Variants in PPARGC1A observed in about 807,000 individuals in gnomAD.
PPARGC1A encodes peroxisome proliferator-activated receptor gamma coactivator 1-alpha.
A neutral mutation model predicts 88.7 loss-of-function variants in PPARGC1A; 25 were observed. That is an observed-to-expected ratio of 0.28 (90% confidence interval 0.21 to 0.39). PPARGC1A has a LOEUF of 0.39. Among genes scored for constraint, PPARGC1A ranks in the 10% least tolerant of loss-of-function variants. The probability of loss-of-function intolerance (pLI) is 1.00; values close to 1 mark genes in which losing one functional copy is unlikely to be tolerated. For synonymous variants in PPARGC1A, 363 were observed against 355.6 expected (o/e 1.02, Z -0.24); for missense variants, 880 against 968.7 (o/e 0.91, Z 1.22).
chr4:24,145,734 G>C, the PPARGC1A span, among the ~76,000 whole-genome samples: 1 of 152,178 alleles, frequency 6.6e-6, no homozygotes, highest in South Asian at 2.1e-4. Flanking sequence ...GAGACAGCAG[G>C]ATAATTCCAG....
the PPARGC1A span, among the ~76,000 whole-genome samples, chr4:24,028,580 AC>A: frequency 1.3e-5 from 2 of 152,198 alleles, no homozygotes; most frequent in African/African-American, 2.4e-5. Context: ...AAGGAAGAAT[AC>A]AAAGAGGTTA....
chr4:24,077,672 T>TGTGTGTGTGTGTG, the PPARGC1A span, among the ~76,000 whole-genome samples: 2 of 145,686 alleles, frequency 1.4e-5, no homozygotes, highest in African/African-American at 5.1e-5. Flanking sequence ...TGTGTGTGTG[T>TGTGTGTGTGTGTG]TTCATTCATT....
intron 7 of PPARGC1A, among the ~76,000 whole-genome samples, chr4:23,821,088 C>T (rs921649750): frequency 2.0e-5 from 3 of 152,086 alleles, no homozygotes; most frequent in Admixed American, 2.0e-4. Context: ...TTTCTCAACA[C>T]GATGCTCCTG....
the PPARGC1A span, among the ~76,000 whole-genome samples, chr4:23,990,300 ATATCAATAATAGTAAATTT>A: frequency 3.3e-5 from 5 of 151,322 alleles, no homozygotes; most frequent in Non-Finnish European, 7.4e-5. Context: ...CAGAATAACA[ATATCAATAATAGTAAATTT>A]TGTCATGCAA....
the PPARGC1A span, among the ~76,000 whole-genome samples, chr4:24,165,922 A>G: frequency 6.6e-6 from 1 of 152,214 alleles, no homozygotes; most frequent in Non-Finnish European, 1.5e-5. Flanking sequence ...CTCTCACTTT[A>G]AATAAAAAAC....
At chr4:23,918,103 C>T in the PPARGC1A span, among the ~76,000 whole-genome samples, 2 of 152,200 alleles carry the variant, frequency 1.3e-5, no homozygotes, top group Non-Finnish European at 2.9e-5. Flanking sequence ...CTACAATTAG[C>T]CCCTCTGTGA....
the PPARGC1A span, among the ~76,000 whole-genome samples, chr4:24,404,120 G>T: frequency 6.6e-6 from 1 of 151,718 alleles, no homozygotes; most frequent in Non-Finnish European, 1.5e-5. Flanking sequence ...AAAATTAGCC[G>T]GGCATGGTGG....
chr4:23,910,325 T>TTATATATTA, the PPARGC1A span, among the ~76,000 whole-genome samples: 47 of 45,208 alleles, frequency 1.0e-3, no homozygotes, highest in African/African-American at 7.6e-3. Context: ...ATTATATATA[T>TTATATATTA]TATATATTAT....
chr4:24,274,019 G>C, the PPARGC1A span, among the ~76,000 whole-genome samples: 1 of 151,842 alleles, frequency 6.6e-6, no homozygotes, highest in Non-Finnish European at 1.5e-5. Flanking sequence ...GATTACAGGA[G>C]TGAGCCACCG....
chr4:24,205,391 G>A, the PPARGC1A span, among the ~76,000 whole-genome samples: 28 of 152,160 alleles, frequency 1.8e-4, no homozygotes, highest in African/African-American at 5.5e-4. Context: ...AGTGGTCACC[G>A]CCAGTATGAT....
the PPARGC1A span, among the ~76,000 whole-genome samples, chr4:24,308,234 G>A: frequency 5.4e-4 from 75 of 139,764 alleles, no homozygotes; most frequent in African/African-American, 1.9e-3. Context: ...GGAGGTTGCA[G>A]TGAGCAGAGA....
At chr4:24,456,498 T>A in the PPARGC1A span, among the ~76,000 whole-genome samples, 1 of 152,092 alleles carries the variant, frequency 6.6e-6, no homozygotes, top group South Asian at 2.1e-4. Flanking sequence ...TTGAGGATAA[T>A]AAAATTATAC....
At chr4:24,269,394 A>G in the PPARGC1A span, among the ~76,000 whole-genome samples, 585 of 152,290 alleles carry the variant, frequency 3.8e-3, 18 homozygotes, top group East Asian at 0.092. Flanking sequence ...TATAGAATGA[A>G]CACATAAGAG....
At chr4:23,874,399 AT>A (rs1444839383) in intron 2 of PPARGC1A, among the ~76,000 whole-genome samples, 1 of 152,172 alleles carries the variant, frequency 6.6e-6, no homozygotes, top group African/African-American at 2.4e-5. Context: ...AGGCTATTAC[AT>A]TTTGGTCTGC....
chr4:24,444,717 C>T, the PPARGC1A span, among the ~76,000 whole-genome samples: 1 of 152,076 alleles, frequency 6.6e-6, no homozygotes, highest in Non-Finnish European at 1.5e-5. Context: ...GGGATAGTAG[C>T]CTGAGTGAAT....
At chr4:23,810,322 T>C (rs948482743) in intron 10 of PPARGC1A, among the ~76,000 whole-genome samples, 1 of 151,882 alleles carries the variant, frequency 6.6e-6, no homozygotes, top group African/African-American at 2.4e-5. Flanking sequence ...AAAAATCAAG[T>C]TGACACTTGT....
the PPARGC1A span, among the ~76,000 whole-genome samples, chr4:24,431,958 C>A: frequency 6.6e-6 from 1 of 152,084 alleles, no homozygotes; most frequent in African/African-American, 2.4e-5. Context: ...TTGTTGGGAA[C>A]CTTAGAAAGA....
At chr4:24,095,201 T>A in the PPARGC1A span, among the ~76,000 whole-genome samples, 3 of 145,340 alleles carry the variant, frequency 2.1e-5, no homozygotes, top group Admixed American at 2.1e-4. Context: ...CACTGCAACC[T>A]GTGCCTCCCG....
At chr4:23,877,080 T>G (rs1714849034) in intron 2 of PPARGC1A, among the ~76,000 whole-genome samples, 1 of 152,146 alleles carries the variant, frequency 6.6e-6, no homozygotes, top group Admixed American at 6.6e-5. Context: ...TCATTTAGCT[T>G]CAAACAACTC....
Sources: allele counts gnomAD v4.1 joint callset (sites outside exome capture counted in the v4.1 genomes callset), GRCh38; gene constraint gnomAD v4.1.1; transcripts MANE v1.5; gene names NCBI Gene and HGNC (gene_info 2026-07-23, HGNC 2026-07-21).